The following PLXDC2 variants were observed in gnomAD, a reference collection of about 807,000 sequenced individuals.
PLXDC2 encodes plexin domain-containing protein 2.
Under a neutral mutation model 68.9 loss-of-function variants are expected in PLXDC2, and 40 were observed. The ratio of observed to expected loss-of-function variants is 0.58; its 90% CI spans 0.45 to 0.76. The LOEUF (loss-of-function observed/expected upper bound fraction) is 0.76. Among genes scored for constraint, PLXDC2 ranks in the 30% least tolerant of loss-of-function variants. The pLI is 0.00. For missense variants in PLXDC2, 644 were observed against 661.9 expected (o/e 0.97, Z 0.30); for synonymous variants, 243 against 234.2 (o/e 1.04, Z -0.34).
chr10:19,854,786 C>CA (rs1359892088), intron 1 of PLXDC2, among the ~76,000 whole-genome samples: 1 of 152,012 alleles, frequency 6.6e-6, no homozygotes, highest in Non-Finnish European at 1.5e-5. Flanking sequence ...TGGAGAGTGC[C>CA]AGGGGCAAAT....
chr10:20,085,912 TAGGCATA>T (rs1196423694), intron 4 of PLXDC2, among the ~76,000 whole-genome samples: 1 of 152,210 alleles, frequency 6.6e-6, no homozygotes, highest in Non-Finnish European at 1.5e-5. Context: ...TTAGAGGTTT[TAGGCATA>T]AATTCCTACA....
intron 2 of PLXDC2, among the ~76,000 whole-genome samples, chr10:20,015,589 A>G (rs1835196510): frequency 6.6e-6 from 1 of 152,146 alleles, no homozygotes; most frequent in Non-Finnish European, 1.5e-5. Context: ...CCAAGACTCC[A>G]TTTGCTCCAC....
chr10:20,002,309 G>A (rs1002731220), intron 2 of PLXDC2, among the ~76,000 whole-genome samples: 1 of 150,272 alleles, frequency 6.7e-6, no homozygotes, highest in African/African-American at 2.4e-5. Flanking sequence ...ACACAGGCTG[G>A]AGTGCAGTGG....
chr10:20,135,927 T>C (rs927888712), intron 4 of PLXDC2, among the ~76,000 whole-genome samples: 1 of 152,242 alleles, frequency 6.6e-6, no homozygotes, highest in Non-Finnish European at 1.5e-5. Context: ...GGTAACTCTT[T>C]GGTGATTGAC....
intron 3 of PLXDC2, among the ~76,000 whole-genome samples, chr10:20,064,970 T>A (rs1262065977): frequency 6.6e-6 from 1 of 152,174 alleles, no homozygotes; most frequent in Non-Finnish European, 1.5e-5. Context: ...GCTATAATGA[T>A]AACATGTCCA....
chr10:19,971,394 A>G (rs1834349376), intron 1 of PLXDC2, among the ~76,000 whole-genome samples: 1 of 152,198 alleles, frequency 6.6e-6, no homozygotes, highest in Non-Finnish European at 1.5e-5. Flanking sequence ...GAACATGGGT[A>G]AGCAAAAAAT....
At chr10:19,827,289 A>G (rs980168477) in intron 1 of PLXDC2, among the ~76,000 whole-genome samples, 6 of 152,212 alleles carry the variant, frequency 3.9e-5, no homozygotes, top group African/African-American at 1.4e-4. Flanking sequence ...ATAAGTCTTT[A>G]TATCTGATGG....
intron 1 of PLXDC2, among the ~76,000 whole-genome samples, chr10:19,953,011 T>G (rs1414634491): frequency 2.0e-5 from 3 of 152,124 alleles, no homozygotes; most frequent in Non-Finnish European, 4.4e-5. Context: ...ATTACAGGCA[T>G]GTGCCACCAC....
intron 13 of PLXDC2, among the ~76,000 whole-genome samples, chr10:20,259,031 A>G (rs916428846): frequency 6.6e-5 from 10 of 151,706 alleles, no homozygotes; most frequent in African/African-American, 2.4e-4. Flanking sequence ...AAGAAAAGAA[A>G]GGAAAGGATG....
chr10:19,931,900 A>G (rs1438629220), intron 1 of PLXDC2, among the ~76,000 whole-genome samples: 1 of 152,098 alleles, frequency 6.6e-6, no homozygotes, highest in African/African-American at 2.4e-5. Flanking sequence ...AATTCAGGAA[A>G]TATACTTAAT....
chr10:20,113,402 C>T (rs1197420391), intron 4 of PLXDC2, among the ~76,000 whole-genome samples: 1 of 152,186 alleles, frequency 6.6e-6, no homozygotes, highest in Non-Finnish European at 1.5e-5. Context: ...CCATTGAACG[C>T]CTTCCTCAGC....
At chr10:19,867,064 CTT>C (rs61651939) in intron 1 of PLXDC2, among the ~76,000 whole-genome samples, 20 of 124,692 alleles carry the variant, frequency 1.6e-4, no homozygotes, top group East Asian at 4.7e-4. Context: ...TCCTTTCCCT[CTT>C]TTTTTTTTTT....
chr10:20,194,744 G>A lies in PLXDC2; in HGVS notation c.1062-16925G>A, dbSNP rs191034019. ...TTGGTGTGCTGCACCCATTTAACTC[G>A]TCATTTACATTAGGTATATCTCCTA... On this transcript the variant is annotated intron_variant, in intron 9 of 13. Transcript: ENST00000377252. 5.6e-3 allele frequency among the ~76,000 whole-genome samples: 844 copies of A among 150,862 alleles called. 8 individuals are homozygous for A. The highest frequency in any genetic ancestry group is 0.017 in the African/African-American group (707 of 41,150).
At chr10:19,864,392 C>T (rs567109092) in intron 1 of PLXDC2, among the ~76,000 whole-genome samples, 2 of 152,294 alleles carry the variant, frequency 1.3e-5, no homozygotes, top group Admixed American at 1.3e-4. Context: ...ATCTGGCACA[C>T]TTCTTAGATG....
At chr10:20,190,048 C>T (rs1213293055) in intron 9 of PLXDC2, among the ~76,000 whole-genome samples, 1 of 151,772 alleles carries the variant, frequency 6.6e-6, no homozygotes, top group Non-Finnish European at 1.5e-5. Context: ...CATCTGAGTA[C>T]CATTTGGCAA....
chr10:20,177,093 C>T lies in PLXDC2; in HGVS notation c.978C>T (p.Pro326=), dbSNP rs780340114. Residue 326 remains proline, a splice_region_variant and synonymous_variant, in exon 8 of 14, where the codon CCC becomes CCT. Coordinates refer to ENST00000377252, the MANE Select transcript of PLXDC2 (RefSeq NM_032812.9). Reference sequence around the variant, plus strand: ...CGGCTGTGGAGATGACCCCATTACCCAGTAAGCGAATATGTAAACCTAGGT... The same window carrying T: ...CGGCTGTGGAGATGACCCCATTACCTAGTAAGCGAATATGTAAACCTAGGT... ...NISAVEMTPL[P]TCLQFNRCGP... is the part of the protein sequence containing the mutation. The T allele has an allele frequency of 3.7e-5, 59 of 1,597,930 alleles. No homozygotes were observed. In the East Asian group the frequency reaches 1.3e-3, roughly 35 times the overall value.
intron 13 of PLXDC2, among the ~76,000 whole-genome samples, chr10:20,254,798 C>A (rs1243644953): frequency 1.3e-5 from 2 of 152,060 alleles, no homozygotes; most frequent in African/African-American, 4.8e-5. Context: ...CTATGTATGT[C>A]AGTGGTTTTC....
chr10:20,079,536 A>G (rs1836512929), intron 4 of PLXDC2, among the ~76,000 whole-genome samples: 1 of 152,232 alleles, frequency 6.6e-6, no homozygotes, highest in African/African-American at 2.4e-5. Context: ...ACCAACCCAA[A>G]TGCCCATCAA....
intron 13 of PLXDC2, among the ~76,000 whole-genome samples, chr10:20,251,957 AG>A: frequency 6.6e-6 from 1 of 151,996 alleles, no homozygotes; most frequent in South Asian, 2.1e-4. Flanking sequence ...AAAAAAAAAA[AG>A]TAAAAACTAA....
Sources: gnomAD v4.1 joint callset for allele counts (sites outside exome capture counted in the v4.1 genomes callset) on GRCh38, gnomAD v4.1.1 for gene constraint, MANE v1.5 for transcripts, NCBI Gene and HGNC (gene_info 2026-07-23, HGNC 2026-07-21) for gene names.